The following PARD3B variants were observed in gnomAD, a reference collection of about 807,000 sequenced individuals.
The protein encoded by PARD3B is partitioning defective 3 homolog B.
Under a neutral mutation model 130.2 loss-of-function variants are expected in PARD3B, and 103 were observed. That is an observed-to-expected ratio of 0.79 (90% CI 0.67 to 0.93). The LOEUF (loss-of-function observed/expected upper bound fraction) is 0.93. PARD3B is among the 40% of genes least tolerant of loss of function. The pLI is 0.00. For synonymous variants in PARD3B, 583 were observed against 553.2 expected (o/e 1.05, Z -0.76); for missense variants, 1,609 against 1,499.2 (o/e 1.07, Z -1.21).
intron 3 of PARD3B, among the ~76,000 whole-genome samples, chr2:205,003,101 G>C (rs1259483251): frequency 6.6e-6 from 1 of 152,152 alleles, no homozygotes; most frequent in Admixed American, 6.5e-5. Flanking sequence ...TGCATTCCTT[G>C]GCTCCTGGTC....
intron 21 of PARD3B, among the ~76,000 whole-genome samples, chr2:205,542,348 TTGTG>T (rs1226617063): frequency 1.3e-5 from 1 of 75,204 alleles, no homozygotes; most frequent in African/African-American, 5.0e-5. Context: ...ATTCAGTAGT[TTGTG>T]TTTGTGTGTG....
At position 204,675,349 on chromosome 2, in the gene PARD3B, C is replaced by T. The variant is rs1388383975; in HGVS notation, c.121-10832C>T. On this transcript the variant is annotated intron_variant, in intron 1 of 22. Transcript: ENST00000406610. This position sits in a 1 kb window ranked among gnomAD's most constrained non-coding sequence, Gnocchi z 4.4. ...ATCTTTAATTTTTTTTAATTTCAGA[C>T]TTTTAACGTTTAATTTTCCTGATAT... is the stretch of plus-strand genomic sequence containing the variant. Among the ~76,000 whole-genome samples, 9 of 151,704 alleles carry T rather than the reference C, an allele frequency of 5.9e-5. No homozygotes were observed. The highest frequency in any genetic ancestry group is 5.9e-4 in the Admixed American group (9 of 15,230).
At chr2:204,794,689 T>C (rs1017846091) in intron 2 of PARD3B, among the ~76,000 whole-genome samples, 2 of 152,246 alleles carry the variant, frequency 1.3e-5, no homozygotes, top group Non-Finnish European at 2.9e-5. Context: ...TTTTTAACAA[T>C]TTAATTGTAA....
At chr2:205,040,455 C>T (rs559524625) in intron 3 of PARD3B, among the ~76,000 whole-genome samples, 3 of 152,256 alleles carry the variant, frequency 2.0e-5, no homozygotes, top group Admixed American at 2.0e-4. Flanking sequence ...TACCATATCT[C>T]TGAAGGATAC....
At chr2:205,393,098 C>A (rs1055693931) in intron 18 of PARD3B, among the ~76,000 whole-genome samples, 1 of 152,038 alleles carries the variant, frequency 6.6e-6, no homozygotes, top group Admixed American at 6.6e-5. Context: ...GCAAAAGCTG[C>A]GGTTCACAAA....
At chr2:204,560,644 T>C (rs1442480067) in intron 1 of PARD3B, among the ~76,000 whole-genome samples, 1 of 151,768 alleles carries the variant, frequency 6.6e-6, no homozygotes, top group African/African-American at 2.4e-5. Flanking sequence ...AAGGAGGAGG[T>C]TGGGGAGAAG....
intron 21 of PARD3B, among the ~76,000 whole-genome samples, chr2:205,529,108 C>T (rs1293182660): frequency 6.6e-6 from 1 of 152,068 alleles, no homozygotes; most frequent in Non-Finnish European, 1.5e-5. Context: ...AAAGTGTTTC[C>T]ATAGTAACCT....
intron 1 of PARD3B, among the ~76,000 whole-genome samples, chr2:204,622,007 C>A (rs1279759561): frequency 6.6e-6 from 1 of 152,094 alleles, no homozygotes; most frequent in African/African-American, 2.4e-5. Flanking sequence ...GTATTTCTTT[C>A]AAGGGGGTGA....
chr2:205,212,709 C>G (rs186442890), intron 15 of PARD3B, among the ~76,000 whole-genome samples: 1 of 152,114 alleles, frequency 6.6e-6, no homozygotes, highest in Non-Finnish European at 1.5e-5. Flanking sequence ...ACTGACAGCA[C>G]TGCAATATGC....
chr2:205,313,605 C>T (rs1444394158), intron 18 of PARD3B, among the ~76,000 whole-genome samples: 1 of 152,168 alleles, frequency 6.6e-6, no homozygotes, highest in Non-Finnish European at 1.5e-5. Context: ...CATAGAGTGT[C>T]AACCAAAAGG....
At chr2:204,972,141 A>G (rs1246018492) in intron 3 of PARD3B, among the ~76,000 whole-genome samples, 1 of 152,194 alleles carries the variant, frequency 6.6e-6, no homozygotes, top group Non-Finnish European at 1.5e-5. Context: ...GGTAATTACC[A>G]TATGGGAGTA....
chr2:205,105,762 CCT>C lies in PARD3B; in HGVS notation c.593+1259_593+1260del, dbSNP rs1285834399. Among the ~76,000 whole-genome samples, 5 of 150,430 alleles carry C rather than the reference CCT, an allele frequency of 3.3e-5. No homozygotes were observed. Among genetic ancestry groups the C allele is most frequent in the Non-Finnish European group, 5.9e-5 (4 of 67,580 alleles). ...AGTCCATCTTGCAACATAGGGAGAC[CCT>C]CTCTCTCTCTGAAGAAAAAAAAAAG... On this transcript the variant is annotated intron_variant, in intron 5 of 22. Transcript: ENST00000406610. This position sits in a 1 kb window ranked among gnomAD's most constrained non-coding sequence, Gnocchi z 4.0.
Position 204,644,829 on chromosome 2 carries a change from T to A in PARD3B, c.121-41352T>A, listed in dbSNP as rs189680749. ...TGAATATATTTACTGTATATTCTTA[T>A]GATACTTTTATAAAAAAATTCCTCC... On this transcript the variant is annotated intron_variant, in intron 1 of 22. Coordinates refer to ENST00000406610, the MANE Select transcript of PARD3B (RefSeq NM_001302769.2). Among the ~76,000 whole-genome samples, 72 of 152,298 alleles carry A rather than the reference T, an allele frequency of 4.7e-4. 1 individual carries two copies. Among genetic ancestry groups the A allele is most frequent in the African/African-American group, 1.6e-3 (65 of 41,582 alleles).
chr2:204,988,124 A>T (rs762056015), intron 3 of PARD3B, among the ~76,000 whole-genome samples: 4 of 152,170 alleles, frequency 2.6e-5, no homozygotes, highest in African/African-American at 4.8e-5. Context: ...AAGCTGAGAC[A>T]AAAAGGAGAT....
intron 18 of PARD3B, among the ~76,000 whole-genome samples, chr2:205,329,950 C>T (rs959200593): frequency 4.1e-5 from 6 of 148,120 alleles, no homozygotes; most frequent in African/African-American, 1.5e-4. Context: ...GCCAAGATCG[C>T]CCCATTGCAC....
chr2:205,425,545 C>T (rs1430238853), intron 19 of PARD3B, among the ~76,000 whole-genome samples: 3 of 67,050 alleles, frequency 4.5e-5, no homozygotes, highest in African/African-American at 1.0e-4. Context: ...GAAATAGACT[C>T]GGTGTAAAAA....
In PARD3B at chr2:205,042,184, A is replaced by G. The variant is rs535026657; in HGVS notation, c.395-5397A>G. 6.6e-5 allele frequency among the ~76,000 whole-genome samples: 10 copies of G among 152,292 alleles called. 1 individual carries two copies. In the South Asian group the frequency reaches 1.0e-3, roughly 16 times the overall value. ...CCCTCCTCTTGGCTTCCTTAGTGAC[A>G]TTTAAAGGGGACATGGATCAGTACC... On this transcript the variant is annotated intron_variant, in intron 3 of 22. Transcript: ENST00000406610.
At chr2:204,876,707 C>T (rs2125659278) in intron 2 of PARD3B, among the ~76,000 whole-genome samples, 2 of 152,212 alleles carry the variant, frequency 1.3e-5, no homozygotes, top group East Asian at 1.9e-4. Context: ...CTTGTTTTCC[C>T]TCATGTCCAA....
At chr2:205,270,598 A>AGAAC (rs1474586616) in intron 16 of PARD3B, among the ~76,000 whole-genome samples, 1 of 151,832 alleles carries the variant, frequency 6.6e-6, no homozygotes, top group African/African-American at 2.4e-5. Context: ...AAAGAAAGAA[A>AGAAC]GAACACCCTA....
Sources: gnomAD v4.1 joint callset for allele counts (sites outside exome capture counted in the v4.1 genomes callset) on GRCh38, gnomAD v4.1.1 for gene constraint, Gnocchi (gnomAD v3.1) non-coding constraint, MANE v1.5 for transcripts, NCBI Gene and HGNC (gene_info 2026-07-23, HGNC 2026-07-21) for gene names.